Variants in DDX59 observed in about 807,000 individuals in gnomAD.
The protein encoded by DDX59 is probable ATP-dependent RNA helicase DDX59.
In DDX59, 30 loss-of-function variants were observed where a neutral mutation model predicts 51.9. The ratio of observed to expected loss-of-function variants is 0.58; its 90% confidence interval spans 0.43 to 0.78. DDX59 has a LOEUF of 0.78. DDX59 is among the 30% of genes least tolerant of loss of function. DDX59 has a pLI of 0.00. For synonymous variants in DDX59, 255 were observed against 253.3 expected (o/e 1.01, Z -0.06); for missense variants, 672 against 730.8 (o/e 0.92, Z 0.93).
chr1:200,654,629 A>G (rs1661897245), intron 4 of DDX59: 1 of 152,256 alleles, frequency 6.6e-6, no homozygotes, highest in African/African-American at 2.4e-5. Context: ...CAGAGCAGAG[A>G]GAAACAAAGG....
chr1:200,663,664 T>C (rs1662516967), intron 3 of DDX59, among the ~76,000 whole-genome samples: 1 of 152,056 alleles, frequency 6.6e-6, no homozygotes, highest in African/African-American at 2.4e-5. Context: ...GAAGTAAATG[T>C]GATGCTTAAA....
At chr1:200,644,828 G>A (rs750240627) in intron 7 of DDX59, among the ~76,000 whole-genome samples, 3 of 149,880 alleles carry the variant, frequency 2.0e-5, no homozygotes, top group Non-Finnish European at 3.0e-5. Flanking sequence ...CCCAGGAGGC[G>A]GAGCTTGCAA....
At chr1:200,649,865 C>CA (rs1661541547) in intron 5 of DDX59, among the ~76,000 whole-genome samples, 1 of 143,470 alleles carries the variant, frequency 7.0e-6, no homozygotes, top group African/African-American at 2.6e-5. Context: ...TTTTTTGAGA[C>CA]AGAGTCTCGC....
chr1:200,650,263 CTATT>C (rs1482078163), intron 5 of DDX59, among the ~76,000 whole-genome samples, 158 bp downstream of exon 5: 1 of 152,048 alleles, frequency 6.6e-6, no homozygotes, highest in African/African-American at 2.4e-5. Flanking sequence ...TCCCAAATAG[CTATT>C]TATTTGATTC....
chr1:200,648,938 G>T, intron 6 of DDX59, 136 bp downstream of exon 6: 2 of 905,458 alleles, frequency 2.2e-6, no homozygotes, highest in Non-Finnish European at 3.2e-6. Flanking sequence ...TTAACTTCAT[G>T]GTAACCGCTT....
At position 200,661,484 on chromosome 1, in the gene DDX59, G is replaced by GA. The variant is rs547946816; in HGVS notation, c.973-2369dup. 4.6e-5 allele frequency among the ~76,000 whole-genome samples: 7 copies of GA among 152,194 alleles called. No homozygotes were observed. The South Asian group carries it at 1.5e-3, about 32-fold the overall frequency. ...TCTGTGCAACCTAAAAGGATGCAATGAAAAAAACAAAGCATCTCTTCTGTG... is the reference window on the plus strand; with the variant it reads ...TCTGTGCAACCTAAAAGGATGCAATGAAAAAAAACAAAGCATCTCTTCTGTG... On this transcript the variant is annotated intron_variant, in intron 3 of 7. Coordinates refer to ENST00000331314, the MANE Select transcript of DDX59 (RefSeq NM_001031725.6).
chr1:200,653,351 G>C (rs1354614946), intron 4 of DDX59, among the ~76,000 whole-genome samples: 1 of 152,092 alleles, frequency 6.6e-6, no homozygotes, highest in African/African-American at 2.4e-5. Flanking sequence ...TCAGGAAACA[G>C]CGCCATCAGA....
At position 200,663,933 on chromosome 1, in the gene DDX59, G is replaced by T. The variant is rs1662540166; in HGVS notation, c.958C>A (p.Gln320Lys). Residue 320 changes from glutamine (Q) to lysine (K), a missense_variant, in exon 3 of 8, where the codon CAA becomes AAA. Gln to Lys is a moderately conservative substitution (Grantham distance 53). Coordinates refer to ENST00000331314, the MANE Select transcript of DDX59 (RefSeq NM_001031725.6). The part of the protein sequence containing the change: ...LPLPPQLYRL[Q>K]QHVKVIIATP... ...TCAGTGCTTACCTTAACATGTTGTTGCAGACGATAAAGCTGTGGGGGTAAG... is the reference window on the plus strand; with the variant it reads ...TCAGTGCTTACCTTAACATGTTGTTTCAGACGATAAAGCTGTGGGGGTAAG... The T allele has an allele frequency of 6.2e-7, 1 of 1,610,792 alleles. No homozygotes were observed. The highest frequency in any genetic ancestry group is 8.5e-7 in the Non-Finnish European group (1 of 1,179,052).
Position 200,664,053 on chromosome 1 carries a change from T to C in DDX59, c.838A>G (p.Thr280Ala), listed in dbSNP as rs760253105. ...KTPSALILTP[T>A]RELAIQIERQ... ...TCTATCTGAATGGCTAACTCTCTGGTTGGTGTAAGAATGAGCGCAGATGGA... is the reference window on the plus strand; with the variant it reads ...TCTATCTGAATGGCTAACTCTCTGGCTGGTGTAAGAATGAGCGCAGATGGA... The change falls in exon 3 of 8, where the codon ACC becomes GCC. Residue 280 changes from threonine to alanine, a missense_variant. Transcript: ENST00000331314. 1.2e-6 allele frequency: 2 copies of C among 1,614,016 alleles called. No homozygotes were observed. Among genetic ancestry groups the C allele is most frequent in the Admixed American group, 1.7e-5 (1 of 59,982 alleles).
chr1:200,656,585 A>G (rs1662036510), intron 4 of DDX59, among the ~76,000 whole-genome samples: 1 of 152,286 alleles, frequency 6.6e-6, no homozygotes, highest in East Asian at 1.9e-4. Flanking sequence ...TCCCCTCTAG[A>G]TCACCCAGAA....
intron 4 of DDX59, among the ~76,000 whole-genome samples, chr1:200,655,797 T>C (rs527839330): frequency 2.6e-5 from 4 of 152,238 alleles, no homozygotes; most frequent in African/African-American, 9.6e-5. Context: ...CTTCTGACCT[T>C]ATTTCTTCTG....
At chr1:200,648,239 G>C (rs533649788) in intron 7 of DDX59, among the ~76,000 whole-genome samples, 200 bp downstream of exon 7, 2 of 152,094 alleles carry the variant, frequency 1.3e-5, no homozygotes, top group South Asian at 2.1e-4. Context: ...TGTTGGCCAG[G>C]TTGGTCTGTG....
At position 200,666,147 on chromosome 1, in the gene DDX59, G is replaced by A; in HGVS notation, c.594C>T (p.Val198=). The change falls in exon 2 of 8, where the codon GTC becomes GTT. Residue 198 remains valine (V), a synonymous_variant. Transcript: ENST00000331314. ...GTTCAAAGTCAATAATGGGCCTGGT[G>A]ACTTCTTGCCCTTGAACTAAAATTC... ...QLGILVQGQE[V]TRPIIDFEHC... 6.2e-7 allele frequency: 1 copy of A among 1,614,168 alleles called. No individual in the cohort carries two copies. Among genetic ancestry groups the A allele is most frequent in the Non-Finnish European group, 8.5e-7 (1 of 1,180,028 alleles).
intron 4 of DDX59, among the ~76,000 whole-genome samples, chr1:200,653,583 T>C (rs547275820): frequency 1.2e-4 from 19 of 152,320 alleles, no homozygotes; most frequent in African/African-American, 4.3e-4. Context: ...AACCCTCCAA[T>C]GGTTTCCCAT....
chr1:200,656,453 C>T (rs1191985934), intron 4 of DDX59, among the ~76,000 whole-genome samples: 1 of 152,148 alleles, frequency 6.6e-6, no homozygotes, highest in Non-Finnish European at 1.5e-5. Flanking sequence ...GGCTTGAATG[C>T]TATTCAGAAC....
chr1:200,641,409 A>G (rs1661044896), downstream of DDX59, among the ~76,000 whole-genome samples: 1 of 152,144 alleles, frequency 6.6e-6, no homozygotes, highest in South Asian at 2.1e-4. Context: ...AAAAAAAAAA[A>G]AAGAACCCAC....
At chr1:200,641,064 G>C (rs961561874), downstream of DDX59, 4 of 762,026 alleles carry the variant, frequency 5.2e-6, no homozygotes, top group African/African-American at 5.4e-5. Flanking sequence ...CAACAAAAGA[G>C]TCCTATCTGT....
At chr1:200,669,042 G>GGGCACATGACCTCAGGACAGACCTC in intron 1 of DDX59, among the ~76,000 whole-genome samples, 2 of 152,322 alleles carry the variant, frequency 1.3e-5, no homozygotes, top group East Asian at 3.9e-4. Context: ...AGGACCTCCT[G>GGGCACATGACCTCAGGACAGACCTC]AGGACTGTCA....
chr1:200,649,134 C>T lies in DDX59; in HGVS notation c.1407G>A (p.Gly469=), dbSNP rs150501573. ...CTGAATGTATAGATATGCTTTTCAG[C>T]CCTGTGATTTTCTGAACGGCTTCAC... The part of the protein sequence containing the change: ...LLSEAVQKIT[G]LKSISIHSEK... The change falls in exon 6 of 8, where the codon GGG becomes GGA. Residue 469 remains glycine, a synonymous_variant. Transcript: ENST00000331314. 43 of 1,594,182 alleles carry T rather than the reference C, an allele frequency of 2.7e-5. No homozygotes were observed. In the Middle Eastern group the frequency reaches 1.2e-3, roughly 43 times the overall value.
Sources: gnomAD v4.1 joint callset for allele counts (sites outside exome capture counted in the v4.1 genomes callset) on GRCh38, gnomAD v4.1.1 for gene constraint, MANE v1.5 for transcripts, NCBI Gene and HGNC (gene_info 2026-07-23, HGNC 2026-07-21) for gene names.